TNIP2: variants seen among roughly 807,000 people sequenced by gnomAD.
The protein encoded by TNIP2 is TNFAIP3 interacting protein 2, also known as TNFAIP3-interacting protein 2.
Under a neutral mutation model 43.7 loss-of-function variants are expected in TNIP2, and 30 were observed. The ratio of observed to expected loss-of-function variants is 0.69; its 90% CI spans 0.51 to 0.93. The LOEUF (loss-of-function observed/expected upper bound fraction) is 0.93. Ranked by LOEUF, TNIP2 falls within the 40% of genes least tolerant of loss-of-function variation. The probability of loss-of-function intolerance (pLI) is 0.00; values close to 1 mark genes in which losing one functional copy is unlikely to be tolerated. For missense variants in TNIP2, 599 were observed against 591.0 expected (o/e 1.01, Z -0.14); for synonymous variants, 260 against 254.6 (o/e 1.02, Z -0.20).
Position 2,756,301 on chromosome 4 carries a change from C to A in TNIP2, c.-12G>T. 2 of 1,230,378 alleles carry A rather than the reference C, an allele frequency of 1.6e-6. No individual in the cohort carries two copies. Among genetic ancestry groups the A allele is most frequent in the Non-Finnish European group, 1.0e-6 (1 of 987,568 alleles). 76.2% of individuals were successfully genotyped at this position (1,230,378 alleles called of 1,614,324 possible). On this transcript the variant is annotated 5_prime_UTR_variant, in exon 1 of 6. Transcript: ENST00000315423. Reference sequence around the variant, plus strand: ...GGGTCCCGGGACATGGCTGTAGGCCCGCCCGGGAGGCCGCGCGGCCGCCGG... The same window carrying A: ...GGGTCCCGGGACATGGCTGTAGGCCAGCCCGGGAGGCCGCGCGGCCGCCGG...
chr4:2,743,608 A>G (rs1481046635), intron 5 of TNIP2, among the ~76,000 whole-genome samples: 1 of 152,146 alleles, frequency 6.6e-6, no homozygotes, highest in Non-Finnish European at 1.5e-5. Flanking sequence ...TCACAGCCCC[A>G]GGGTCCCTGT....
At chr4:2,755,910 C>T in intron 1 of TNIP2, 104 bp downstream of exon 1, 1 of 1,377,552 alleles carries the variant, frequency 7.3e-7, no homozygotes, top group Non-Finnish European at 9.4e-7. Flanking sequence ...CCAGTACCCC[C>T]TCAACCCCTC....
Position 2,744,889 on chromosome 4 carries a change from C to T in TNIP2, c.714G>A (p.Val238=). Residue 238 remains valine, a synonymous_variant, in exon 4 of 6, where the codon GTG becomes GTA. Transcript: ENST00000315423. This position sits in a 1 kb window ranked among gnomAD's most constrained non-coding sequence, Gnocchi z 5.1. ...QRYNASRDEY[V]RGLHAQLRGL... is the part of the protein sequence containing the mutation. Reference sequence around the variant, plus strand: ...CCCTGAGCTGCGCATGGAGCCCCCTCACGTATTCGTCCCTGCTGGCGTTGT... The same window carrying T: ...CCCTGAGCTGCGCATGGAGCCCCCTTACGTATTCGTCCCTGCTGGCGTTGT... 1 of 1,613,694 alleles carries T rather than the reference C, an allele frequency of 6.2e-7. No homozygotes were observed. Among genetic ancestry groups the T allele is most frequent in the Non-Finnish European group, 8.5e-7 (1 of 1,179,778 alleles).
At chr4:2,747,444 G>A (rs1721977558) in intron 2 of TNIP2, 1 of 589,290 alleles carries the variant, frequency 1.7e-6, no homozygotes, top group Non-Finnish European at 3.0e-6. Context: ...TGGGCAGTGA[G>A]GTGGCTGCCT....
chr4:2,745,019 T>C, intron 3 of TNIP2, 74 bp from the exon 4 acceptor site: 1 of 1,528,996 alleles, frequency 6.5e-7, no homozygotes, highest in African/African-American at 1.4e-5. Context: ...CCAGTGTGAA[T>C]TATGTATTAG....
intron 1 of TNIP2, among the ~76,000 whole-genome samples, chr4:2,750,264 C>G (rs939068204): frequency 6.6e-6 from 1 of 152,034 alleles, no homozygotes. Context: ...GCCCAAGCTT[C>G]CCCCAGAAGT....
At position 2,744,668 on chromosome 4, in the gene TNIP2, G is replaced by A; in HGVS notation, c.906+29C>T. 1 of 1,592,230 alleles carries A rather than the reference G, an allele frequency of 6.3e-7. No homozygotes were observed. Among genetic ancestry groups the A allele is most frequent in the Non-Finnish European group, 8.5e-7 (1 of 1,174,062 alleles). ...CCACCGGCCAGCAGACATCTGGTCA[G>A]TGCCGTCCGGAGCCCGAGGGACAGA... On this transcript the variant is annotated intron_variant, in intron 4 of 5. Coordinates refer to ENST00000315423, the MANE Select transcript of TNIP2 (RefSeq NM_024309.4). This position sits in a 1 kb window ranked among gnomAD's most constrained non-coding sequence, Gnocchi z 5.1.
chr4:2,744,366 A>C lies in TNIP2; in HGVS notation c.1026+21T>G. ...AAAAACACTAAACCTAAGCAGGAAGAAAAACGCCCTCATACTCTACCTGTC... is the reference window on the plus strand; with the variant it reads ...AAAAACACTAAACCTAAGCAGGAAGCAAAACGCCCTCATACTCTACCTGTC... On this transcript the variant is annotated intron_variant, in intron 5 of 5. Coordinates refer to ENST00000315423, the MANE Select transcript of TNIP2 (RefSeq NM_024309.4). This position sits in a 1 kb window ranked among gnomAD's most constrained non-coding sequence, Gnocchi z 5.1. 1 of 1,614,036 alleles carries C rather than the reference A, an allele frequency of 6.2e-7. No individual in the cohort carries two copies. The highest frequency in any genetic ancestry group is 8.5e-7 in the Non-Finnish European group (1 of 1,179,932).
chr4:2,745,341 G>A, intron 3 of TNIP2, 105 bp downstream of exon 3: 2 of 842,318 alleles, frequency 2.4e-6, no homozygotes, highest in Non-Finnish European at 3.9e-6. Context: ...AAGTCCTAGT[G>A]GCCAGAGGGC....
chr4:2,755,794 TCAGGAGCCGGGGCCCCCTCACCCC>T (rs1316362325), intron 1 of TNIP2, among the ~76,000 whole-genome samples, 196 bp downstream of exon 1: 1 of 11,308 alleles, frequency 8.8e-5, no homozygotes, highest in Non-Finnish European at 1.8e-4. Context: ...CCCCAACCCC[TCAGGAGCCGGGGCCCCCTCACCCC>T]CAGGACCCGG....
rs369886333 is a variant in TNIP2 at position 2,744,783 on chromosome 4, C to T, written c.820G>A (p.Asp274Asn). The change falls in exon 4 of 6, where the codon GAC (aspartate) becomes AAC (asparagine). Residue 274 changes from aspartate (D) to asparagine (N), a missense_variant. Transcript: ENST00000315423. This position sits in a 1 kb window ranked among gnomAD's most constrained non-coding sequence, Gnocchi z 5.1. ...AGCTCCTGCTTCACTTCGGCACAGT[C>T]ATTTATTTTCTCTTCCAACTGTCTG... ...LNRQLEEKIN[D>N]CAEVKQELAA... 4.3e-6 allele frequency: 7 copies of T among 1,612,310 alleles called. No homozygotes were observed. Among genetic ancestry groups the T allele is most frequent in the African/African-American group, 4.0e-5 (3 of 74,958 alleles).
Position 2,745,645 on chromosome 4 carries a change from C to T in TNIP2, c.568-110G>A, listed in dbSNP as rs950941427. 11 of 738,120 alleles carry T rather than the reference C, an allele frequency of 1.5e-5. No individual in the cohort carries two copies. In the East Asian group the frequency reaches 1.9e-4, roughly 12 times the overall value. The allele number at this position is 738,120 out of a possible 1,614,324, so 45.7% of individuals were successfully genotyped here. Reference sequence around the variant, plus strand: ...ATTATCACTGCGTCCCCCAGTGCAGCGGGTAGTGATCATTCATTTGGTAGA... The same window carrying T: ...ATTATCACTGCGTCCCCCAGTGCAGTGGGTAGTGATCATTCATTTGGTAGA... On this transcript the variant is annotated intron_variant, in intron 2 of 5. Transcript: ENST00000315423.
chr4:2,751,758 G>A (rs1435856807), intron 1 of TNIP2, among the ~76,000 whole-genome samples: 1 of 149,080 alleles, frequency 6.7e-6, no homozygotes, highest in African/African-American at 2.5e-5. Flanking sequence ...GGGCAACAGA[G>A]TGACCCTGTC....
chr4:2,752,971 G>A (rs1448365420), intron 1 of TNIP2, among the ~76,000 whole-genome samples: 1 of 152,106 alleles, frequency 6.6e-6, no homozygotes, highest in Non-Finnish European at 1.5e-5. Context: ...AGGCTGTGAT[G>A]GGAGGGCTGG....
chr4:2,750,662 G>A (rs1248831331), intron 1 of TNIP2, among the ~76,000 whole-genome samples: 1 of 148,764 alleles, frequency 6.7e-6, no homozygotes, highest in Non-Finnish European at 1.5e-5. Context: ...AGGACTTTGA[G>A]CAAAACCTGA....
chr4:2,742,629 A>G, intron 5 of TNIP2, 109 bp from the exon 6 acceptor site: 1 of 1,255,106 alleles, frequency 8.0e-7, no homozygotes, highest in Non-Finnish European at 1.1e-6. Flanking sequence ...GCGGAACTTC[A>G]GCCCCTCACT....
chr4:2,750,679 GT>G lies in TNIP2; in HGVS notation c.277-2735del, dbSNP rs35355125. Among the ~76,000 whole-genome samples, 637 of 143,760 alleles carry G rather than the reference GT, an allele frequency of 4.4e-3. 12 individuals are homozygous for G. The highest frequency in any genetic ancestry group is 0.032 in the Admixed American group (465 of 14,472). 94.3% of individuals were successfully genotyped at this position (143,760 alleles called of 152,430 possible). A position where few individuals can be genotyped will look rare whatever the true frequency, so the allele number is the denominator to read the frequency against. ...GACTTTGAGCAAAACCTGACTTCTG[GT>G]TTTTTTTTTTTTTGATAAAGACAGG... On this transcript the variant is annotated intron_variant, in intron 1 of 5. Transcript: ENST00000315423.
At chr4:2,748,113 G>C (rs1307734566) in intron 1 of TNIP2, among the ~76,000 whole-genome samples, 168 bp from the exon 2 acceptor site, 1 of 152,140 alleles carries the variant, frequency 6.6e-6, no homozygotes, top group Non-Finnish European at 1.5e-5. Context: ...TCAGAAGTTG[G>C]GCATTTGAAC....
intron 1 of TNIP2, among the ~76,000 whole-genome samples, chr4:2,750,187 G>C (rs1722064520): frequency 6.6e-6 from 1 of 152,070 alleles, no homozygotes; most frequent in African/African-American, 2.4e-5. Flanking sequence ...TTACATGAAG[G>C]AGGTGAAGCA....
Sources: gnomAD v4.1 joint callset for allele counts (sites outside exome capture counted in the v4.1 genomes callset) on GRCh38, gnomAD v4.1.1 for gene constraint, Gnocchi (gnomAD v3.1) non-coding constraint, MANE v1.5 for transcripts, NCBI Gene and HGNC (gene_info 2026-07-23, HGNC 2026-07-21) for gene names.